The following CIMAP1A variants were observed in gnomAD, a reference collection of about 807,000 sequenced individuals.
The protein encoded by CIMAP1A is ciliary microtubule associated protein 1A, also known as cancer/testis antigen 135.
the CIMAP1A span, chr11:198,283 G>A: frequency 2.2e-4 from 356 of 1,613,990 alleles, 3 homozygotes; most frequent in South Asian, 3.6e-3. Context: ...AAGGCATTCC[G>A]AGTGGACAGC....
the CIMAP1A span, chr11:197,294 CAG>C: frequency 6.4e-7 from 1 of 1,556,174 alleles, no homozygotes. Flanking sequence ...CACTTACGGA[CAG>C]AGCTGGCCAT....
the CIMAP1A span, chr11:197,275 T>G: frequency 6.7e-7 from 1 of 1,500,196 alleles, no homozygotes; most frequent in African/African-American, 1.4e-5. Context: ...CAGCACCTGG[T>G]AACCCTCTCA....
chr11:197,004 T>C, the CIMAP1A span: 1 of 230,286 alleles, frequency 4.3e-6, no homozygotes, highest in Non-Finnish European at 8.4e-6. Flanking sequence ...CCACTCCAAG[T>C]AGGAGAAACC....
the CIMAP1A span, chr11:197,917 C>T: frequency 8.0e-6 from 12 of 1,497,324 alleles, no homozygotes; most frequent in Non-Finnish European, 1.1e-5. Context: ...CACCATCGTG[C>T]CTGGGCAGAG....
the CIMAP1A span, chr11:199,327 C>T: frequency 2.6e-6 from 4 of 1,552,272 alleles, no homozygotes; most frequent in Non-Finnish European, 3.5e-6. Flanking sequence ...GGCCACACGC[C>T]CTGGGTAGGC....
chr11:197,920 G>A, the CIMAP1A span: 5 of 1,498,596 alleles, frequency 3.3e-6, no homozygotes, highest in Non-Finnish European at 4.4e-6. Flanking sequence ...CATCGTGCCT[G>A]GGCAGAGAAG....
the CIMAP1A span, chr11:198,878 G>C: frequency 7.8e-7 from 1 of 1,280,934 alleles, no homozygotes; most frequent in Non-Finnish European, 9.9e-7. Context: ...AGGGTAGCAT[G>C]GAAAGAAGAG....
the CIMAP1A span, chr11:198,380 G>A: frequency 1.1e-5 from 18 of 1,613,126 alleles, no homozygotes; most frequent in Admixed American, 8.3e-5. Context: ...GCAGCCCGAC[G>A]GCTGATCTCC....
the CIMAP1A span, chr11:198,891 G>A: frequency 7.9e-7 from 1 of 1,263,394 alleles, no homozygotes; most frequent in South Asian, 2.2e-5. Context: ...AAGAAGAGGA[G>A]GAGGAAAAAA....
At chr11:197,413 G>C in the CIMAP1A span, 2 of 1,601,676 alleles carry the variant, frequency 1.2e-6, no homozygotes, top group Admixed American at 1.7e-5. Context: ...ACCAACAACA[G>C]GTAAGAGCCT....
the CIMAP1A span, chr11:199,908 G>T: frequency 6.2e-7 from 1 of 1,611,334 alleles, no homozygotes. Context: ...GTGGGGGCAG[G>T]GGTGCTGGTT....
chr11:197,037 G>A, the CIMAP1A span: 3 of 296,792 alleles, frequency 1.0e-5, no homozygotes, highest in East Asian at 1.4e-4. Context: ...CCTTAGAGCC[G>A]AGAACAGTGG....
chr11:199,003 G>C, the CIMAP1A span: 135 of 1,192,262 alleles, frequency 1.1e-4, no homozygotes, highest in Admixed American at 3.7e-4. Context: ...GCCTGAGATG[G>C]GGAAGCAGCA....
At chr11:200,162 G>A in the CIMAP1A span, 3 of 793,178 alleles carry the variant, frequency 3.8e-6, no homozygotes, top group Middle Eastern at 2.3e-4. Context: ...GCTTGTTTGG[G>A]CAATTGTAAT....
the CIMAP1A span, chr11:198,237 G>A: frequency 9.3e-6 from 15 of 1,613,852 alleles, no homozygotes; most frequent in East Asian, 8.9e-5. Context: ...GTACGTGTTC[G>A]ACTCAGCACC....
At chr11:199,802 C>T in the CIMAP1A span, 3 of 1,457,014 alleles carry the variant, frequency 2.1e-6, no homozygotes, top group South Asian at 2.8e-5. Flanking sequence ...CTGCTGAGTG[C>T]TCTGTGTTCA....
chr11:199,465 G>A, the CIMAP1A span: 1 of 1,562,584 alleles, frequency 6.4e-7, no homozygotes. Flanking sequence ...GCCCCCAGGG[G>A]ACAAGACCCT....
chr11:199,843 G>A, the CIMAP1A span: 54 of 1,510,010 alleles, frequency 3.6e-5, no homozygotes, highest in Middle Eastern at 7.0e-4. Context: ...GGCCACCTTG[G>A]CCCCAGGTTC....
the CIMAP1A span, chr11:197,662 A>G: frequency 6.2e-7 from 1 of 1,613,594 alleles, no homozygotes; most frequent in Non-Finnish European, 8.5e-7. Flanking sequence ...GCCCCGTTAC[A>G]ATGTAAACCC....
Sources: allele counts gnomAD v4.1 joint callset, GRCh38; gene constraint gnomAD v4.1.1; transcripts MANE v1.5; gene names NCBI Gene and HGNC (gene_info 2026-07-23, HGNC 2026-07-21).